UNC5C: variants seen among roughly 807,000 people sequenced by gnomAD.
The protein encoded by UNC5C is unc-5 netrin receptor C, also known as netrin receptor UNC5C.
UNC5C carries 47 observed loss-of-function variants against 99.8 expected under a neutral mutation model. That is an observed-to-expected ratio of 0.47 (90% CI 0.37 to 0.60). UNC5C has a LOEUF of 0.60. Among genes scored for constraint, UNC5C ranks in the 20% least tolerant of loss-of-function variants. The pLI is 0.00. For missense variants in UNC5C, 1,062 were observed against 1,165.9 expected, an observed-to-expected ratio of 0.91 and a Z score of 1.30; for synonymous variants, 487 against 452.2, an observed-to-expected ratio of 1.08 and a Z score of -0.98.
chr4:95,454,869 C>G (rs191515276), intron 1 of UNC5C, among the ~76,000 whole-genome samples: 1 of 151,768 alleles, frequency 6.6e-6, no homozygotes, highest in Admixed American at 6.6e-5. Context: ...ATCCAAAGAT[C>G]GCTGAACATT....
At chr4:95,347,874 A>G (rs893093130) in intron 1 of UNC5C, among the ~76,000 whole-genome samples, 1 of 152,082 alleles carries the variant, frequency 6.6e-6, no homozygotes, top group Non-Finnish European at 1.5e-5. Context: ...ATAATACCTT[A>G]CAAGCACAGG....
At position 95,301,622 on chromosome 4, in the gene UNC5C, C is replaced by A. The variant is rs373395939; in HGVS notation, c.474G>T (p.Ala158=). 6 of 1,613,892 alleles carry A rather than the reference C, an allele frequency of 3.7e-6. No individual in the cohort carries two copies. The African/African-American group carries it at 6.7e-5, about 18-fold the overall frequency. The change falls in exon 3 of 16, where the codon GCG becomes GCT. Residue 158 remains alanine, a synonymous_variant. Transcript: ENST00000453304. ...SSAGTTKSRK[A]YVRIAYLRKT... ...ATGACTCACATGCAATGCGCACATA[C>A]GCCTTCCGGCTCTTTGTGGTACCCG...
At chr4:95,515,538 C>T (rs755271985) in intron 1 of UNC5C, among the ~76,000 whole-genome samples, 4 of 152,118 alleles carry the variant, frequency 2.6e-5, no homozygotes, top group Non-Finnish European at 5.9e-5. Flanking sequence ...TTTTTGTTAG[C>T]TGAGGAAAAT....
intron 1 of UNC5C, among the ~76,000 whole-genome samples, chr4:95,406,904 A>T (rs1424408862): frequency 6.6e-6 from 1 of 152,220 alleles, no homozygotes; most frequent in Non-Finnish European, 1.5e-5. Context: ...AAATGCAAAC[A>T]TTTGCCTTTA....
intron 1 of UNC5C, among the ~76,000 whole-genome samples, chr4:95,461,658 C>T (rs1220420021): frequency 8.5e-5 from 13 of 152,124 alleles, no homozygotes; most frequent in Admixed American, 7.9e-4. Flanking sequence ...ATGAAAATAA[C>T]AACAATGACA....
rs376083297 is a variant in UNC5C at position 95,219,311 on chromosome 4, G to C, written c.1303C>G (p.Leu435Val). ...PVNIKAARQD[L>V]LAVPPDLTSA... ...GTGAGGTCTGGGGGTACAGCCAGCAGATCTGAGTCAGAAAGAGAAAATAAT... is the reference window on the plus strand; with the variant it reads ...GTGAGGTCTGGGGGTACAGCCAGCACATCTGAGTCAGAAAGAGAAAATAAT... The change falls in exon 9 of 16, where the codon CTG becomes GTG. Residue 435 changes from leucine to valine, a missense_variant and splice_region_variant. Physicochemically the swap from Leu to Val is conservative, Grantham distance 32. Around this residue, in one of 3 missense-constraint regions of UNC5C, gnomAD observed 810 missense variants for 854.5 expected, o/e 0.95. Transcript: ENST00000453304. 1.2e-6 allele frequency: 2 copies of C among 1,611,930 alleles called. No homozygotes were observed. Among genetic ancestry groups the C allele is most frequent in the South Asian group, 1.1e-5 (1 of 90,902 alleles).
chr4:95,348,097 G>T (rs1369421220), intron 1 of UNC5C, among the ~76,000 whole-genome samples: 1 of 151,962 alleles, frequency 6.6e-6, no homozygotes, highest in South Asian at 2.1e-4. Flanking sequence ...ATCAGCAAAA[G>T]ATTTGAAAAG....
chr4:95,479,328 A>G (rs895153797), intron 1 of UNC5C, among the ~76,000 whole-genome samples: 61 of 152,044 alleles, frequency 4.0e-4, no homozygotes, highest in Non-Finnish European at 1.8e-4. Context: ...CACCGTTTCT[A>G]TGTGGGCTTA....
At chr4:95,451,792 A>G (rs1747285428) in intron 1 of UNC5C, among the ~76,000 whole-genome samples, 1 of 152,190 alleles carries the variant, frequency 6.6e-6, no homozygotes, top group Non-Finnish European at 1.5e-5. Context: ...AATAAACATT[A>G]TAACAAATGA....
chr4:95,494,114 A>G (rs1721573353), intron 1 of UNC5C, among the ~76,000 whole-genome samples: 2 of 151,572 alleles, frequency 1.3e-5, no homozygotes, highest in Non-Finnish European at 3.0e-5. Context: ...GACAAGAAAG[A>G]AAAATCATTC....
intron 2 of UNC5C, among the ~76,000 whole-genome samples, chr4:95,302,355 T>TA (rs1169785828): frequency 6.6e-6 from 1 of 152,238 alleles, no homozygotes; most frequent in Non-Finnish European, 1.5e-5. Context: ...TGTAATATAC[T>TA]AAAACCCTGT....
intron 1 of UNC5C, among the ~76,000 whole-genome samples, chr4:95,534,656 A>G (rs1057274125): frequency 6.6e-6 from 1 of 152,164 alleles, no homozygotes; most frequent in Non-Finnish European, 1.5e-5. Context: ...CATGATTAAC[A>G]CATATATGCT....
At chr4:95,178,038 T>C (rs577963205) in intron 14 of UNC5C, among the ~76,000 whole-genome samples, 2 of 152,248 alleles carry the variant, frequency 1.3e-5, no homozygotes, top group African/African-American at 2.4e-5. Context: ...ACCTTCCTGG[T>C]TGGCTGGTAT....
At position 95,216,224 on chromosome 4, in the gene UNC5C, A is replaced by G. The variant is rs753896070; in HGVS notation, c.1646-13T>C. 1.4e-5 allele frequency: 22 copies of G among 1,605,510 alleles called. No homozygotes were observed. Among genetic ancestry groups the G allele is most frequent in the Non-Finnish European group, 1.9e-5 (22 of 1,175,866 alleles). On this transcript the variant is annotated splice_polypyrimidine_tract_variant and intron_variant, in intron 9 of 15. Coordinates refer to ENST00000453304, the MANE Select transcript of UNC5C (RefSeq NM_003728.4). ...AGCAAGCTGACTCCTGAATAGCAAA[A>G]GAGAAAAGCAGTCATTTAAGACTTT...
At chr4:95,254,747 C>T (rs1013993561) in intron 4 of UNC5C, among the ~76,000 whole-genome samples, 1 of 152,180 alleles carries the variant, frequency 6.6e-6, no homozygotes, top group African/African-American at 2.4e-5. Flanking sequence ...AACTTAGTTC[C>T]AATTATCCTT....
intron 1 of UNC5C, among the ~76,000 whole-genome samples, chr4:95,482,474 A>G (rs1208841737): frequency 1.1e-4 from 16 of 149,224 alleles, no homozygotes; most frequent in South Asian, 8.5e-4. Context: ...ATCTAGAACT[A>G]GAAATACCAT....
intron 1 of UNC5C, among the ~76,000 whole-genome samples, chr4:95,468,119 G>A (rs1318675400): frequency 4.0e-5 from 4 of 100,822 alleles, no homozygotes; most frequent in Admixed American, 3.9e-4. Context: ...CATAATATCT[G>A]TTTTTTGGGT....
At chr4:95,357,752 C>T (rs1003981765) in intron 1 of UNC5C, among the ~76,000 whole-genome samples, 2 of 152,080 alleles carry the variant, frequency 1.3e-5, no homozygotes, top group Non-Finnish European at 2.9e-5. Flanking sequence ...GATCAAGCCA[C>T]TGTACTCCAT....
chr4:95,426,134 A>G (rs1169962835), intron 1 of UNC5C, among the ~76,000 whole-genome samples: 1 of 152,224 alleles, frequency 6.6e-6, no homozygotes, highest in Admixed American at 6.5e-5. Context: ...CATTTTTCCA[A>G]TAGCATGTGC....
Sources: gnomAD v4.1 joint callset for allele counts (sites outside exome capture counted in the v4.1 genomes callset) on GRCh38, gnomAD v4.1.1 for gene constraint, gnomAD v4.1.1 regional missense constraint, MANE v1.5 for transcripts, NCBI Gene and HGNC (gene_info 2026-07-23, HGNC 2026-07-21) for gene names.